BMP6: variants seen among roughly 807,000 people sequenced by gnomAD.
BMP6 encodes the protein bone morphogenetic protein 6.
Under a neutral mutation model 54.1 loss-of-function variants are expected in BMP6, and 17 were observed. The ratio of observed to expected loss-of-function variants is 0.31; its 90% CI spans 0.22 to 0.47. The LOEUF (loss-of-function observed/expected upper bound fraction) is 0.47. Ranked by LOEUF, BMP6 falls within the 20% of genes least tolerant of loss-of-function variation. The probability of loss-of-function intolerance (pLI) is 1.00; values close to 1 mark genes in which losing one functional copy is unlikely to be tolerated. For missense variants in BMP6, 720 were observed against 690.4 expected, an observed-to-expected ratio of 1.04 and a Z score of -0.48; for synonymous variants, 328 against 291.2, an observed-to-expected ratio of 1.13 and a Z score of -1.28.
In BMP6 at chr6:7,771,818, C is replaced by T. The variant is rs111336941; in HGVS notation, c.664+44199C>T. Among the ~76,000 whole-genome samples the T allele has an allele frequency of 3.1e-3, 477 of 152,102 alleles. 6 individuals carry two copies. The highest frequency in any genetic ancestry group is 0.01 in the African/African-American group (431 of 41,494). ...CTGTAATCCCAGCACTTTGGGAGGC[C>T]GAGGCGGGTGGATCACCTGAGGTCA... On this transcript the variant is annotated intron_variant, in intron 1 of 6. Coordinates refer to ENST00000283147, the MANE Select transcript of BMP6 (RefSeq NM_001718.6).
intron 1 of BMP6, among the ~76,000 whole-genome samples, chr6:7,826,035 C>T (rs1187922762): frequency 2.0e-5 from 3 of 152,206 alleles, no homozygotes; most frequent in African/African-American, 7.2e-5. Context: ...GCTCTGCAGC[C>T]AGAGGACCCC....
rs139439521 is a variant in BMP6, at chr6:7,825,026, C to T, written c.665-20114C>T. Among the ~76,000 whole-genome samples the T allele has an allele frequency of 4.6e-3, 700 of 152,322 alleles. 4 individuals carry two copies. Among genetic ancestry groups the T allele is most frequent in the African/African-American group, 0.014 (583 of 41,582 alleles). The stretch of plus-strand genomic sequence containing the variant: ...CACCCTGTTGTATCATTGAAAAACG[C>T]GCAGACTTCAGCTGGATGAGGTGCT... On this transcript the variant is annotated intron_variant, in intron 1 of 6. Coordinates refer to ENST00000283147, the MANE Select transcript of BMP6 (RefSeq NM_001718.6).
At position 7,861,469 on chromosome 6, in the gene BMP6, G is replaced by T. The variant is rs138532406; in HGVS notation, c.876G>T (p.Leu292Phe). The T allele has an allele frequency of 1.9e-6, 3 of 1,613,320 alleles. No homozygotes were observed. Among genetic ancestry groups the T allele is most frequent in the East Asian group, 2.2e-5 (1 of 44,882 alleles). Residue 292 changes from leucine (L) to phenylalanine (F), a missense_variant, in exon 3 of 7, where the codon TTG becomes TTT. Physicochemically the swap from Leu to Phe is conservative, Grantham distance 22. This residue lies in a region of BMP6 where 650 missense variants were observed against 556.3 expected (regional missense o/e 1.17). Transcript: ENST00000283147. ...EHQHRDSDLFLLDTRVVWASE... is the reference protein window; with the variant it reads ...EHQHRDSDLFFLDTRVVWASE... The stretch of plus-strand genomic sequence containing the variant: ...CTTTCAGAGACTCTGACCTGTTTTT[G>T]TTGGACACCCGTGTAGTATGGGCCT...
chr6:7,813,137 AT>A (rs1758464103), intron 1 of BMP6, among the ~76,000 whole-genome samples: 1 of 101,058 alleles, frequency 9.9e-6, no homozygotes, highest in Non-Finnish European at 1.9e-5. Context: ...ATATATATAT[AT>A]ATATATATAT....
chr6:7,786,466 T>G (rs1758021934), intron 1 of BMP6, among the ~76,000 whole-genome samples: 2 of 150,972 alleles, frequency 1.3e-5, no homozygotes, highest in South Asian at 4.2e-4. Flanking sequence ...GTCTGTTTTT[T>G]TTTTTTTTTT....
Position 7,828,887 on chromosome 6 carries a change from C to A in BMP6, c.665-16253C>A, listed in dbSNP as rs554696364. Among the ~76,000 whole-genome samples the A allele has an allele frequency of 1.2e-4, 19 of 152,332 alleles. No homozygotes were observed. The South Asian group carries it at 3.9e-3, about 32-fold the overall frequency. On this transcript the variant is annotated intron_variant, in intron 1 of 6. Coordinates refer to ENST00000283147, the MANE Select transcript of BMP6 (RefSeq NM_001718.6). ...ACGGCTGCCCAGGGCTCAGGCCAGC[C>A]TGGGCCCATCACGCGGACCAGAGGT...
Position 7,880,062 on chromosome 6 carries a change from A to G in BMP6, c.1353A>G (p.Ala451=), listed in dbSNP as rs772298426. Residue 451 remains alanine, a synonymous_variant, in exon 6 of 7, where the codon GCA becomes GCG. Coordinates refer to ENST00000283147, the MANE Select transcript of BMP6 (RefSeq NM_001718.6). ...CDGECSFPLN[A]HMNATNHAIV... Reference sequence around the variant, plus strand: ...GAGAATGCTCCTTCCCACTCAACGCACACATGAATGCAACCAACCACGCGA... The same window carrying G: ...GAGAATGCTCCTTCCCACTCAACGCGCACATGAATGCAACCAACCACGCGA... The G allele has an allele frequency of 5.6e-6, 9 of 1,614,194 alleles. No individual in the cohort carries two copies. Among genetic ancestry groups the G allele is most frequent in the Non-Finnish European group, 6.8e-6 (8 of 1,180,034 alleles).
chr6:7,736,209 C>G (rs1761953694), intron 1 of BMP6, among the ~76,000 whole-genome samples: 1 of 152,150 alleles, frequency 6.6e-6, no homozygotes, highest in Non-Finnish European at 1.5e-5. Flanking sequence ...CACCATAGTA[C>G]CTAGACAATC....
At chr6:7,763,670 C>A (rs1422289634) in intron 1 of BMP6, among the ~76,000 whole-genome samples, 1 of 152,160 alleles carries the variant, frequency 6.6e-6, no homozygotes, top group Non-Finnish European at 1.5e-5. Flanking sequence ...GGACTATTTA[C>A]TGGGCTGACC....
In BMP6 at chr6:7,733,511, C is replaced by G. The variant is rs76295967; in HGVS notation, c.664+5892C>G. Among the ~76,000 whole-genome samples, 30 of 152,288 alleles carry G rather than the reference C, an allele frequency of 2.0e-4. No homozygotes were observed. In the East Asian group the frequency reaches 3.7e-3, roughly 19 times the overall value. The stretch of plus-strand genomic sequence containing the variant: ...GTTACACATTAACCATCCTGTCCCC[C>G]CCTCCCTAGGCCACAGCATAACCCA... On this transcript the variant is annotated intron_variant, in intron 1 of 6. Transcript: ENST00000283147.
intron 1 of BMP6, among the ~76,000 whole-genome samples, chr6:7,808,560 C>T (rs115618863): frequency 7.6e-4 from 115 of 152,188 alleles, no homozygotes; most frequent in African/African-American, 2.3e-3. Context: ...GGATGTTCCC[C>T]GAAACGCTTT....
chr6:7,786,646 G>A (rs1308409935), intron 1 of BMP6, among the ~76,000 whole-genome samples: 3 of 151,990 alleles, frequency 2.0e-5, no homozygotes, highest in Non-Finnish European at 4.4e-5. Context: ...TGTGTATGTG[G>A]ATCAGAACTG....
chr6:7,761,082 A>C (rs1245890495), intron 1 of BMP6, among the ~76,000 whole-genome samples: 1 of 152,236 alleles, frequency 6.6e-6, no homozygotes, highest in African/African-American at 2.4e-5. Context: ...TTACAATGCG[A>C]TACAATATCC....
chr6:7,808,221 TA>T (rs1362357154), intron 1 of BMP6, among the ~76,000 whole-genome samples: 1 of 152,082 alleles, frequency 6.6e-6, no homozygotes, highest in Non-Finnish European at 1.5e-5. Flanking sequence ...CGCCCGGCCT[TA>T]AATGTTAAAA....
rs1404311124 is a variant in BMP6 at position 7,726,225 on chromosome 6, G to C, written c.-731G>C. ...TCCTTCCCATCCTTTCTGCGAGCGG[G>C]TTTGCTGGGCAGCCGGGCGACCGCC... is the stretch of plus-strand genomic sequence containing the variant. On this transcript the variant is annotated 5_prime_UTR_variant, in exon 1 of 7. Coordinates refer to ENST00000283147, the MANE Select transcript of BMP6 (RefSeq NM_001718.6). Among the ~76,000 whole-genome samples, 2 of 152,194 alleles carry C rather than the reference G, an allele frequency of 1.3e-5. No homozygotes were observed. Among genetic ancestry groups the C allele is most frequent in the Non-Finnish European group, 2.9e-5 (2 of 68,030 alleles).
intron 4 of BMP6, among the ~76,000 whole-genome samples, chr6:7,864,936 A>G (rs974495485): frequency 6.6e-6 from 1 of 151,912 alleles, no homozygotes; most frequent in African/African-American, 2.4e-5. Context: ...CAATTTATTA[A>G]TGGAAGTCTG....
intron 2 of BMP6, among the ~76,000 whole-genome samples, chr6:7,846,874 A>G (rs1759073819): frequency 6.6e-6 from 1 of 152,098 alleles, no homozygotes; most frequent in South Asian, 2.1e-4. Context: ...TTATTTCATT[A>G]TGTTTCTCTG....
chr6:7,784,499 A>T (rs1168933573), intron 1 of BMP6, among the ~76,000 whole-genome samples: 1 of 152,206 alleles, frequency 6.6e-6, no homozygotes, highest in East Asian at 1.9e-4. Flanking sequence ...TCACAGTGTT[A>T]TCACAAGTGT....
chr6:7,858,394 G>A (rs986728431), intron 2 of BMP6, among the ~76,000 whole-genome samples: 1 of 152,130 alleles, frequency 6.6e-6, no homozygotes, highest in South Asian at 2.1e-4. Context: ...CTTCCCAACC[G>A]GTGATTTTTA....
Sources: gnomAD v4.1 joint callset for allele counts (sites outside exome capture counted in the v4.1 genomes callset) on GRCh38, gnomAD v4.1.1 for gene constraint, gnomAD v4.1.1 regional missense constraint, MANE v1.5 for transcripts, NCBI Gene and HGNC (gene_info 2026-07-23, HGNC 2026-07-21) for gene names.